UBA1: variants seen among roughly 807,000 people sequenced by gnomAD.
UBA1 encodes the protein ubiquitin-like modifier-activating enzyme 1.
Under a neutral mutation model 84.7 loss-of-function variants are expected in UBA1, and 4 were observed. That is an observed-to-expected ratio of 0.05 (90% CI 0.02 to 0.11). The LOEUF is 0.11. Ranked by LOEUF, UBA1 falls within the 10% of genes least tolerant of loss-of-function variation. The pLI is 1.00. For synonymous variants in UBA1, 364 were observed against 362.6 expected (o/e 1.00, Z -0.04); for missense variants, 513 against 902.8 (o/e 0.57, Z 5.53).
chrX:47,204,144 T>G (rs1556789736), intron 14 of UBA1, among the ~76,000 whole-genome samples: 1 of 90,208 alleles, frequency 1.1e-5, no homozygotes, highest in Non-Finnish European at 2.2e-5. Context: ...CTTCTGTTTT[T>G]TTTTTTTTTT....
rs782749176 is a variant in UBA1 at position 47,212,843 on chromosome X, C to T, written c.2626C>T (p.Pro876Ser). 5.0e-6 allele frequency: 6 copies of T among 1,209,898 alleles called. No homozygotes were observed. The South Asian group carries it at 5.3e-5, about 11-fold the overall frequency. Residue 876 changes from proline (P) to serine (S), a missense_variant, in exon 22 of 26, where the codon CCT (proline) becomes TCT (serine). Coordinates refer to ENST00000335972, the MANE Select transcript of UBA1 (RefSeq NM_003334.4). Reference sequence around the variant, plus strand: ...CCTCCGGGCAGAAAACTATGACATTCCTTCTGCAGACCGGCACAAGGTGAG... The same window carrying T: ...CCTCCGGGCAGAAAACTATGACATTTCTTCTGCAGACCGGCACAAGGTGAG... ...SNLRAENYDI[P>S]SADRHKSKLI...
rs781828163 is a variant in UBA1 at position 47,200,912 on chromosome X, A to G, written c.499A>G (p.Thr167Ala). 1.2e-5 allele frequency: 14 copies of G among 1,195,374 alleles called. No individual in the cohort carries two copies. The East Asian group carries it at 4.2e-4, about 36-fold the overall frequency. Reference sequence around the variant, plus strand: ...TCCACAGGTGGTGGTGCTCACCAACACCCCCCTGGAGGACCAGCTGCGAGT... The same window carrying G: ...TCCACAGGTGGTGGTGCTCACCAACGCCCCCCTGGAGGACCAGCTGCGAGT... Reference protein sequence around the residue: ...SGFQVVVLTNTPLEDQLRVGE... With the variant: ...SGFQVVVLTNAPLEDQLRVGE... Residue 167 changes from threonine (T) to alanine (A), a missense_variant, in exon 6 of 26, where the codon ACC (threonine) becomes GCC (alanine). This residue lies in a region of UBA1 where 227 missense variants were observed against 339.1 expected (regional missense o/e 0.67). Transcript: ENST00000335972.
At chrX:47,212,900 C>T in intron 22 of UBA1, 37 bp downstream of exon 22, 2 of 1,206,914 alleles carry the variant, frequency 1.7e-6, no homozygotes, top group Admixed American at 2.2e-5. Context: ...CACCCTCCTC[C>T]AGGTTTGAGT....
rs1317157419 is a variant in UBA1 at position 47,213,106 on chromosome X, C to G, written c.2763C>G (p.Ser921=). The change falls in exon 23 of 26, where the codon TCC becomes TCG. Residue 921 remains serine, a synonymous_variant. Coordinates refer to ENST00000335972, the MANE Select transcript of UBA1 (RefSeq NM_003334.4). ...TGCAGGGGCACCGACAGCTTGACTCCTACAAGAATGGTTTCCTCAACTTGG... is the reference window on the plus strand; with the variant it reads ...TGCAGGGGCACCGACAGCTTGACTCGTACAAGAATGGTTTCCTCAACTTGG... ...KVVQGHRQLD[S]YKNGFLNLAL... 9.1e-6 allele frequency: 11 copies of G among 1,210,425 alleles called. No homozygotes were observed. Among genetic ancestry groups the G allele is most frequent in the Non-Finnish European group, 1.1e-5 (10 of 895,306 alleles).
At chrX:47,198,309 G>A in intron 1 of UBA1, 2 of 973,107 alleles carry the variant, frequency 2.1e-6, no homozygotes, top group Non-Finnish European at 2.7e-6. Context: ...TCTGTGCCAG[G>A]TTCTATGCTC....
rs782783941 is a variant in UBA1, at chrX:47,213,004, A to G, written c.2661A>G (p.Ala887=). The change falls in exon 23 of 26, where the codon GCA becomes GCG. Residue 887 remains alanine (A), a synonymous_variant. Transcript: ENST00000335972. ...SADRHKSKLI[A]GKIIPAIATT... Reference sequence around the variant, plus strand: ...CTGTCTCTCAGAGCAAGCTGATTGCAGGGAAGATCATCCCAGCCATTGCCA... The same window carrying G: ...CTGTCTCTCAGAGCAAGCTGATTGCGGGGAAGATCATCCCAGCCATTGCCA... The G allele has an allele frequency of 1.5e-5, 18 of 1,210,214 alleles. No individual in the cohort carries two copies. In the Admixed American group the frequency reaches 3.7e-4, roughly 25 times the overall value.
chrX:47,191,109 C>A (rs1556784205), upstream of UBA1, among the ~76,000 whole-genome samples: 1 of 111,302 alleles, frequency 9.0e-6, no homozygotes, highest in East Asian at 2.8e-4. Flanking sequence ...TTAAGGGGTG[C>A]CGTTTGGGGA....
In UBA1 at chrX:47,198,729, C is replaced by T. The variant is rs1936293785; in HGVS notation, c.1-74C>T. On this transcript the variant is annotated intron_variant, in intron 1 of 25. Coordinates refer to ENST00000335972, the MANE Select transcript of UBA1 (RefSeq NM_003334.4). ...CTAATACTTAAGTCTTCCCTTCCCC[C>T]ACAGTTGCTACTAACAAACAGAAAA... The T allele has an allele frequency of 6.0e-6, 6 of 1,003,969 alleles. No homozygotes were observed. In the East Asian group the frequency reaches 1.8e-4, roughly 31 times the overall value. 82.7% of individuals were successfully genotyped at this position (1,003,969 alleles called of 1,213,427 possible). A position where few individuals can be genotyped will look rare whatever the true frequency, so the allele number is the denominator to read the frequency against.
Position 47,198,937 on chromosome X carries a change from G to C in UBA1, c.117+18G>C. On this transcript the variant is annotated intron_variant, in intron 2 of 25. Transcript: ENST00000335972. ...CAACCAACGTGAGTGTCCTCTCCGT[G>C]GAGACTGGCAGACGAGGTGGTGGGT... 8.3e-7 allele frequency: 1 copy of C among 1,207,717 alleles called. No homozygotes were observed.
intron 1 of UBA1, chrX:47,197,246 C>T: frequency 2.6e-6 from 2 of 755,184 alleles, no homozygotes; most frequent in Non-Finnish European, 3.1e-6. Flanking sequence ...CCACCAGCTG[C>T]ATGCCTCTGG....
intron 14 of UBA1, chrX:47,204,864 C>A (rs972793680): frequency 9.0e-6 from 1 of 110,949 alleles, no homozygotes; most frequent in East Asian, 2.9e-4. Context: ...TTCATTTATT[C>A]ACCAGATAGT....
chrX:47,197,638 C>T (rs1936250583), intron 1 of UBA1: 1 of 751,273 alleles, frequency 1.3e-6, no homozygotes, highest in African/African-American at 2.3e-5. Flanking sequence ...ATTGTTCTGT[C>T]TCTGGGACCT....
chrX:47,202,777 C>T lies in UBA1; in HGVS notation c.1196C>T (p.Ala399Val), dbSNP rs782293936. 5 of 1,207,841 alleles carry T rather than the reference C, an allele frequency of 4.1e-6. No homozygotes were observed. The South Asian group carries it at 8.9e-5, about 21-fold the overall frequency. The change falls in exon 11 of 26, where the codon GCC (alanine) becomes GTC (valine). Residue 399 changes from alanine to valine, a missense_variant. This residue lies in a region of UBA1 where 227 missense variants were observed against 339.1 expected (regional missense o/e 0.67). Coordinates refer to ENST00000335972, the MANE Select transcript of UBA1 (RefSeq NM_003334.4). ...GCTGGGGATCTGGCACCCATAAACG[C>T]CTTCATTGGGGGCCTGGCTGCCCAG... is the stretch of plus-strand genomic sequence containing the variant. Reference protein sequence around the residue: ...VAAGDLAPINAFIGGLAAQEV... With the variant: ...VAAGDLAPINVFIGGLAAQEV...
rs1556793240 is a variant in UBA1 at position 47,211,100 on chromosome X, G to A, written c.2339G>A (p.Gly780Asp). ...NLFAQTYGLT[G>D]SQDRAAVATF... ...TTTGCCCAGACCTACGGGCTGACAG[G>A]CTCTCAGGACCGAGCTGCTGTGGCC... The change falls in exon 20 of 26, where the codon GGC becomes GAC. Residue 780 changes from glycine (G) to aspartate (D), a missense_variant. By Grantham distance (94) the Gly-to-Asp change is moderately conservative (BLOSUM62 -1). Transcript: ENST00000335972. 8.3e-7 allele frequency: 1 copy of A among 1,209,989 alleles called. No homozygotes were observed. Among genetic ancestry groups the A allele is most frequent in the Admixed American group, 2.2e-5 (1 of 45,832 alleles).
intron 14 of UBA1, among the ~76,000 whole-genome samples, chrX:47,203,962 G>A (rs1556789611): frequency 1.8e-5 from 2 of 108,326 alleles, no homozygotes; most frequent in Non-Finnish European, 3.8e-5. Context: ...TGGTCAGGCT[G>A]GTCTCGAATT....
At position 47,206,429 on chromosome X, in the gene UBA1, C is replaced by T. The variant is rs1936677901; in HGVS notation, c.1923C>T (p.Ile641=). 1.7e-6 allele frequency: 2 copies of T among 1,210,579 alleles called. No homozygotes were observed. The highest frequency in any genetic ancestry group is 1.8e-5 in the South Asian group (1 of 56,866). ...ICTLKNFPNA[I]EHTLQWARDE... ...CCCTGAAGAACTTCCCTAATGCCAT[C>T]GAGCACACCCTGCAGGTGATAAGCT... The change falls in exon 16 of 26, where the codon ATC becomes ATT. Residue 641 remains isoleucine, a synonymous_variant. Coordinates refer to ENST00000335972, the MANE Select transcript of UBA1 (RefSeq NM_003334.4).
In UBA1 at chrX:47,199,531, C is replaced by T. The variant is rs1379688465; in HGVS notation, c.397C>T (p.Pro133Ser). The T allele has an allele frequency of 8.3e-7, 1 of 1,211,855 alleles. No individual in the cohort carries two copies. The change falls in exon 5 of 26, where the codon CCC becomes TCC. Residue 133 changes from proline to serine, a missense_variant. Around this residue, in one of 6 missense-constraint regions of UBA1, gnomAD observed 227 missense variants for 339.1 expected, o/e 0.67. Coordinates refer to ENST00000335972, the MANE Select transcript of UBA1 (RefSeq NM_003334.4). ...IGKNRAEVSQ[P>S]RLAELNSYVP... ...TAAAAACCGGGCCGAGGTATCACAG[C>T]CCCGCCTCGCTGAGCTCAACAGCTA...
chrX:47,206,406 C>T lies in UBA1; in HGVS notation c.1900C>T (p.Leu634=), dbSNP rs782638281. 2 of 1,212,221 alleles carry T rather than the reference C, an allele frequency of 1.6e-6. No homozygotes were observed. The highest frequency in any genetic ancestry group is 2.2e-6 in the Non-Finnish European group (2 of 895,603). The change falls in exon 16 of 26, where the codon CTG becomes TTG. Residue 634 remains leucine, a synonymous_variant. Coordinates refer to ENST00000335972, the MANE Select transcript of UBA1 (RefSeq NM_003334.4). ...TGAGAAGTCCATCCCCATCTGTACC[C>T]TGAAGAACTTCCCTAATGCCATCGA... ...PPEKSIPICT[L]KNFPNAIEHT... is the part of the protein sequence containing the mutation.
intron 9 of UBA1, 28 bp downstream of exon 9, chrX:47,202,281 T>C: frequency 1.7e-6 from 2 of 1,205,498 alleles, no homozygotes; most frequent in Non-Finnish European, 2.2e-6. Flanking sequence ...ATCAGTGGGC[T>C]GTGGGGGGTG....
Sources: allele counts gnomAD v4.1 joint callset (sites outside exome capture counted in the v4.1 genomes callset), GRCh38; gene constraint gnomAD v4.1.1; regional missense constraint gnomAD v4.1.1; transcripts MANE v1.5; gene names NCBI Gene and HGNC (gene_info 2026-07-23, HGNC 2026-07-21).